Variants in CEP41 observed in about 807,000 individuals in gnomAD.
The protein encoded by CEP41 is centrosomal protein 41, also known as centrosomal protein of 41 kDa.
Under a neutral mutation model 44.3 loss-of-function variants are expected in CEP41, and 32 were observed. That is an observed-to-expected ratio of 0.72 (90% CI 0.54 to 0.97). The LOEUF (loss-of-function observed/expected upper bound fraction) is 0.97. Among genes scored for constraint, CEP41 ranks in the 50% least tolerant of loss-of-function variants. The probability of loss-of-function intolerance (pLI) is 0.00; values close to 1 mark genes in which losing one functional copy is unlikely to be tolerated. For synonymous variants in CEP41, 151 were observed against 168.5 expected, an observed-to-expected ratio of 0.90 and a Z score of 0.80; for missense variants, 432 against 455.2, an observed-to-expected ratio of 0.95 and a Z score of 0.46.
chr7:130,441,332 G>A (rs1170667673), upstream of CEP41: 4 of 427,082 alleles, frequency 9.4e-6, no homozygotes, highest in African/African-American at 6.1e-5. Context: ...CAAAACACGA[G>A]TTTTAGCTAA....
In CEP41 at chr7:130,394,988, A is replaced by G. The variant is rs1796617976; in HGVS notation, c.*3903T>C. 2.2e-6 allele frequency: 1 copy of G among 454,112 alleles called. No homozygotes were observed. Among genetic ancestry groups the G allele is most frequent in the Non-Finnish European group, 4.4e-6 (1 of 226,784 alleles). The allele number at this position is 454,112 out of a possible 1,614,324, so 28.1% of individuals were successfully genotyped here. ...GCTTCTGTACAGAACAAAGAGGATCAGCAACAGAGAGGGGAGCCATCAGGG... is the reference window on the plus strand; with the variant it reads ...GCTTCTGTACAGAACAAAGAGGATCGGCAACAGAGAGGGGAGCCATCAGGG... On this transcript the variant is annotated 3_prime_UTR_variant, in exon 11 of 11. Coordinates refer to ENST00000223208, the MANE Select transcript of CEP41 (RefSeq NM_018718.3).
chr7:130,402,347 AAAAAAAC>A (rs1216612925), intron 7 of CEP41, among the ~76,000 whole-genome samples: 4 of 150,994 alleles, frequency 2.6e-5, no homozygotes, highest in South Asian at 2.1e-4. Context: ...TATTAACAAA[AAAAAAAC>A]AAAAAAAAAA....
At chr7:130,423,898 T>C (rs1797584093) in intron 2 of CEP41, among the ~76,000 whole-genome samples, 1 of 152,146 alleles carries the variant, frequency 6.6e-6, no homozygotes, top group Non-Finnish European at 1.5e-5. Flanking sequence ...CTACACGAAA[T>C]GTTCAGAATA....
At chr7:130,399,282 A>C in intron 10 of CEP41, 1 of 537,100 alleles carries the variant, frequency 1.9e-6, no homozygotes, top group Non-Finnish European at 3.4e-6. Flanking sequence ...CCTCTCCAAC[A>C]TCCCCAACAA....
chr7:130,440,153 G>A (rs1281671926), intron 1 of CEP41, among the ~76,000 whole-genome samples: 1 of 152,112 alleles, frequency 6.6e-6, no homozygotes, highest in Non-Finnish European at 1.5e-5. Context: ...CCGAGTAGCT[G>A]GGATTACAGG....
At position 130,401,896 on chromosome 7, in the gene CEP41, A is replaced by C; in HGVS notation, c.627T>G (p.Asn209Lys). Reference sequence around the variant, plus strand: ...CAAAGGATACATATTCAAGAATATCATTTGAATAAGGGTTCATTGTTCTAG... The same window carrying C: ...CAAAGGATACATATTCAAGAATATCCTTTGAATAAGGGTTCATTGTTCTAG... ...TLSRTMNPYS[N>K]DILEYKNAHG... The change falls in exon 8 of 11, where the codon AAT (asparagine) becomes AAG (lysine). Residue 209 changes from asparagine (N) to lysine (K), a missense_variant. By Grantham distance (94) the Asn-to-Lys change is moderately conservative (BLOSUM62 0). Transcript: ENST00000223208. 1 of 1,600,952 alleles carries C rather than the reference A, an allele frequency of 6.2e-7. No individual in the cohort carries two copies. Among genetic ancestry groups the C allele is most frequent in the Non-Finnish European group, 8.6e-7 (1 of 1,168,022 alleles).
intron 8 of CEP41, 108 bp downstream of exon 8, chr7:130,401,772 AT>A: frequency 1.3e-6 from 1 of 758,964 alleles, no homozygotes; most frequent in Non-Finnish European, 2.3e-6. Flanking sequence ...GCTCAGCCAA[AT>A]AATATCAAAG....
intron 5 of CEP41, 184 bp downstream of exon 5, chr7:130,410,938 G>T (rs1204157750): frequency 3.0e-6 from 2 of 656,188 alleles, no homozygotes; most frequent in East Asian, 2.7e-5. Context: ...AAAACCAGAT[G>T]GCTTTTTAAA....
chr7:130,417,827 T>G (rs1407400584), intron 2 of CEP41, among the ~76,000 whole-genome samples: 1 of 152,236 alleles, frequency 6.6e-6, no homozygotes. Context: ...TCTAAAACTG[T>G]GCTCCTAACT....
chr7:130,411,058 C>T (rs1197636538), intron 5 of CEP41, 64 bp downstream of exon 5: 16 of 1,370,400 alleles, frequency 1.2e-5, no homozygotes, highest in South Asian at 2.3e-5. Flanking sequence ...CAAATGTGTA[C>T]AGGGTGAGTG....
chr7:130,432,993 C>A (rs568149992), intron 1 of CEP41, among the ~76,000 whole-genome samples: 5 of 152,138 alleles, frequency 3.3e-5, no homozygotes, highest in African/African-American at 1.2e-4. Context: ...AGAGGCCATA[C>A]AAAAGTGGGT....
At chr7:130,426,737 G>A in intron 2 of CEP41, 1 of 448,678 alleles carries the variant, frequency 2.2e-6, no homozygotes, top group Non-Finnish European at 4.5e-6. Context: ...CAAGGCTTGG[G>A]GGAAATACAG....
intron 5 of CEP41, among the ~76,000 whole-genome samples, chr7:130,409,110 T>A (rs1450538555): frequency 6.6e-6 from 1 of 152,188 alleles, no homozygotes; most frequent in Non-Finnish European, 1.5e-5. Context: ...AATACACTTT[T>A]AAGTTAGGAA....
In CEP41 at chr7:130,398,187, G is replaced by A. The variant is rs1293225534; in HGVS notation, c.*704C>T. On this transcript the variant is annotated 3_prime_UTR_variant, in exon 11 of 11. Transcript: ENST00000223208. ...TTTCCCATGAGAGGCCCTCCTCCCCGGTGTGAAGACACCCACATGCATACC... is the reference window on the plus strand; with the variant it reads ...TTTCCCATGAGAGGCCCTCCTCCCCAGTGTGAAGACACCCACATGCATACC... The A allele has an allele frequency of 2.0e-5, 9 of 453,528 alleles. No homozygotes were observed. The highest frequency in any genetic ancestry group is 6.9e-5 in the East Asian group (1 of 14,408). 28.1% of individuals were successfully genotyped at this position (453,528 alleles called of 1,614,324 possible).
At chr7:130,421,281 G>A (rs1280294906) in intron 2 of CEP41, 2 of 985,426 alleles carry the variant, frequency 2.0e-6, no homozygotes, top group Non-Finnish European at 2.4e-6. Context: ...TAAAGTAGAT[G>A]AGATTTATAA....
intron 2 of CEP41, among the ~76,000 whole-genome samples, chr7:130,427,681 C>G (rs1345687895): frequency 2.0e-5 from 3 of 152,178 alleles, no homozygotes; most frequent in Non-Finnish European, 4.4e-5. Context: ...AGCCCTGAAA[C>G]TTACTGAACA....
chr7:130,440,252 T>C (rs1425519384), intron 1 of CEP41, among the ~76,000 whole-genome samples: 1 of 152,096 alleles, frequency 6.6e-6, no homozygotes, highest in Admixed American at 6.5e-5. Context: ...AACTTCTGAC[T>C]TCGTGATCCG....
intron 1 of CEP41, among the ~76,000 whole-genome samples, chr7:130,432,826 G>T (rs966946985): frequency 6.6e-5 from 10 of 152,026 alleles, no homozygotes; most frequent in African/African-American, 2.2e-4. Context: ...TCAGGAGAGA[G>T]ACCTGGGCTA....
chr7:130,394,963 G>C lies in CEP41; in HGVS notation c.*3928C>G, dbSNP rs532062127. 4.4e-6 allele frequency: 2 copies of C among 454,102 alleles called. No individual in the cohort carries two copies. Among genetic ancestry groups the C allele is most frequent in the African/African-American group, 2.0e-5 (1 of 50,114 alleles). The allele number at this position is 454,102 out of a possible 1,614,324, so 28.1% of individuals were successfully genotyped here. ...CAGGATGTTACACAGGTGAGAATTT[G>C]CTTCTGTACAGAACAAAGAGGATCA... is the stretch of plus-strand genomic sequence containing the variant. On this transcript the variant is annotated 3_prime_UTR_variant, in exon 11 of 11. Transcript: ENST00000223208.
Sources: allele counts gnomAD v4.1 joint callset (sites outside exome capture counted in the v4.1 genomes callset), GRCh38; gene constraint gnomAD v4.1.1; transcripts MANE v1.5; gene names NCBI Gene and HGNC (gene_info 2026-07-23, HGNC 2026-07-21).